FAF2: variants seen among roughly 807,000 people sequenced by gnomAD.
The protein encoded by FAF2 is Fas associated factor family member 2, also known as FAS-associated factor 2.
FAF2 carries 9 observed loss-of-function variants against 62.3 expected under a neutral mutation model. That is an observed-to-expected ratio of 0.14 (90% CI 0.09 to 0.25). The LOEUF is 0.25. Among genes scored for constraint, FAF2 ranks in the 10% least tolerant of loss-of-function variants. The pLI, the probability that FAF2 is intolerant of heterozygous loss-of-function variation, is 1.00. For synonymous variants in FAF2, 202 were observed against 198.0 expected, an observed-to-expected ratio of 1.02 and a Z score of -0.17; for missense variants, 368 against 556.2, an observed-to-expected ratio of 0.66 and a Z score of 3.40.
intron 1 of FAF2, among the ~76,000 whole-genome samples, chr5:176,469,120 CTGTAA>C (rs1758517846): frequency 6.6e-6 from 1 of 152,012 alleles, no homozygotes; most frequent in African/African-American, 2.4e-5. Context: ...TAGCATGTGC[CTGTAA>C]TCCCAGCTAC....
intron 1 of FAF2, among the ~76,000 whole-genome samples, chr5:176,449,530 G>A (rs1240563178): frequency 6.6e-6 from 1 of 151,980 alleles, no homozygotes; most frequent in African/African-American, 2.4e-5. Context: ...AGCCGAGATC[G>A]TGCCACTGCA....
intron 1 of FAF2, among the ~76,000 whole-genome samples, chr5:176,451,873 C>CAT (rs1758187283): frequency 1.5e-4 from 4 of 26,392 alleles, no homozygotes; most frequent in African/African-American, 2.9e-4. Context: ...TATATATACA[C>CAT]ACATATATAT....
chr5:176,499,134 T>C (rs1755549252), intron 9 of FAF2, 49 bp downstream of exon 9: 1 of 1,496,624 alleles, frequency 6.7e-7, no homozygotes, highest in Non-Finnish European at 9.0e-7. Context: ...CTGCCGAGAC[T>C]TTGCCATCTT....
intron 7 of FAF2, among the ~76,000 whole-genome samples, chr5:176,495,110 T>C (rs746663695): frequency 6.6e-6 from 1 of 152,214 alleles, no homozygotes; most frequent in Non-Finnish European, 1.5e-5. Context: ...TGACAATAAC[T>C]CTTCTTTGGA....
At chr5:176,502,059 A>C (rs747513529) in intron 10 of FAF2, among the ~76,000 whole-genome samples, 6 of 151,464 alleles carry the variant, frequency 4.0e-5, no homozygotes, top group Non-Finnish European at 7.4e-5. Flanking sequence ...ACCTGGCCCC[A>C]TGTCTCTAAC....
rs759909715 is a variant in FAF2 at position 176,489,035 on chromosome 5, C to T, written c.344+8C>T. The stretch of plus-strand genomic sequence containing the variant: ...GATACTTGATATATTTAGGTATGTA[C>T]CTTTGGATTTATGTATTAGTAGAAT... On this transcript the variant is annotated splice_region_variant and intron_variant, in intron 4 of 10. Coordinates refer to ENST00000261942, the MANE Select transcript of FAF2 (RefSeq NM_014613.3). The T allele has an allele frequency of 2.7e-5, 43 of 1,605,376 alleles. No individual in the cohort carries two copies. The Admixed American group carries it at 7.2e-4, about 27-fold the overall frequency.
At chr5:176,456,944 C>CT (rs1391321126) in intron 1 of FAF2, among the ~76,000 whole-genome samples, 2 of 152,084 alleles carry the variant, frequency 1.3e-5, no homozygotes, top group African/African-American at 4.8e-5. Context: ...GCTGGCCTCC[C>CT]TTTTTTGGGG....
rs1755738899 is a variant in FAF2 at position 176,509,343 on chromosome 5, A to C, written c.*2393A>C. ...CCTAAGGACTTTTGGGATTTTGATG[A>C]GACCTGCGAGGGAGAAGACACTGAG... is the stretch of plus-strand genomic sequence containing the variant. On this transcript the variant is annotated 3_prime_UTR_variant, in exon 11 of 11. Coordinates refer to ENST00000261942, the MANE Select transcript of FAF2 (RefSeq NM_014613.3). 1 of 152,210 alleles carries C rather than the reference A, an allele frequency of 6.6e-6. No individual in the cohort carries two copies. The highest frequency in any genetic ancestry group is 1.5e-5 in the Non-Finnish European group (1 of 68,048). 9.4% of individuals were successfully genotyped at this position (152,210 alleles called of 1,614,324 possible). A position where few individuals can be genotyped will look rare whatever the true frequency, so the allele number is the denominator to read the frequency against.
chr5:176,451,715 C>T lies in FAF2; in HGVS notation c.63+3245C>T, dbSNP rs545994311. On this transcript the variant is annotated intron_variant, in intron 1 of 10. Coordinates refer to ENST00000261942, the MANE Select transcript of FAF2 (RefSeq NM_014613.3). Reference sequence around the variant, plus strand: ...AGTACACACATGAATAATGGGTATGCGATATATATAGATATATATATATGT... The same window carrying T: ...AGTACACACATGAATAATGGGTATGTGATATATATAGATATATATATATGT... Among the ~76,000 whole-genome samples the T allele has an allele frequency of 9.2e-5, 12 of 129,844 alleles. No homozygotes were observed. The South Asian group carries it at 9.7e-4, about 10-fold the overall frequency. 85.2% of individuals were successfully genotyped at this position (129,844 alleles called of 152,430 possible).
At position 176,507,008 on chromosome 5, in the gene FAF2, A is replaced by G; in HGVS notation, c.*58A>G. ...TCCCTAAAAGAAATGGGGAAAAAAG[A>G]AAACAACAGCAAGTCAGAAAAAAAA... On this transcript the variant is annotated 3_prime_UTR_variant, in exon 11 of 11. Transcript: ENST00000261942. 1 of 1,223,356 alleles carries G rather than the reference A, an allele frequency of 8.2e-7. No individual in the cohort carries two copies. The highest frequency in any genetic ancestry group is 2.8e-5 in the South Asian group (1 of 36,214). The allele number at this position is 1,223,356 out of a possible 1,614,324, so 75.8% of individuals were successfully genotyped here.
At chr5:176,505,023 GA>G (rs571061959) in intron 10 of FAF2, among the ~76,000 whole-genome samples, 13,053 of 122,012 alleles carry the variant, frequency 0.11, 777 homozygotes, top group East Asian at 0.29. Flanking sequence ...ACCTGTCTGG[GA>G]AAAAAAAAAA....
In FAF2 at chr5:176,494,532, AT is replaced by A. The variant is rs991176570; in HGVS notation, c.661+265del. On this transcript the variant is annotated intron_variant, in intron 7 of 10. Transcript: ENST00000261942. The surrounding 1 kb of genome is among the most constrained non-coding windows in gnomAD (Gnocchi z 4.0). ...GAAGATCACACAATTAGCAAGTTTT[AT>A]TTTTTTTGTTTTTATTTAATTAATT... Among the ~76,000 whole-genome samples the A allele has an allele frequency of 2.0e-5, 3 of 151,782 alleles. No homozygotes were observed. Among genetic ancestry groups the A allele is most frequent in the East Asian group, 1.9e-4 (1 of 5,158 alleles).
rs77509080 is a variant in FAF2 at position 176,459,219 on chromosome 5, A to G, written c.63+10749A>G. ...ACAGCATTAAGTATCCTATTTTTAG[A>G]AGAAAGAAGAAAGCCAAAATTCCAG... is the stretch of plus-strand genomic sequence containing the variant. On this transcript the variant is annotated intron_variant, in intron 1 of 10. Coordinates refer to ENST00000261942, the MANE Select transcript of FAF2 (RefSeq NM_014613.3). Among the ~76,000 whole-genome samples the G allele has an allele frequency of 5.1e-3, 773 of 151,594 alleles. 2 individuals carry two copies. The highest frequency in any genetic ancestry group is 0.015 in the African/African-American group (611 of 41,342).
intron 1 of FAF2, among the ~76,000 whole-genome samples, chr5:176,467,743 C>T (rs1408097255): frequency 6.6e-6 from 1 of 152,206 alleles, no homozygotes; most frequent in African/African-American, 2.4e-5. Context: ...ATTCAGTATT[C>T]TCAATTGATA....
chr5:176,465,335 C>T (rs1036269026), intron 1 of FAF2, among the ~76,000 whole-genome samples: 1 of 150,052 alleles, frequency 6.7e-6, no homozygotes, highest in Non-Finnish European at 1.5e-5. Flanking sequence ...CTAGTATATA[C>T]AATAAAGAAA....
rs1755741959 is a variant in FAF2 at position 176,509,486 on chromosome 5, A to G, written c.*2536A>G. 1 of 152,302 alleles carries G rather than the reference A, an allele frequency of 6.6e-6. No individual in the cohort carries two copies. The highest frequency in any genetic ancestry group is 2.4e-5 in the African/African-American group (1 of 41,428). The allele number at this position is 152,302 out of a possible 1,614,324, so 9.4% of individuals were successfully genotyped here. A position where few individuals can be genotyped will look rare whatever the true frequency, so the allele number is the denominator to read the frequency against. On this transcript the variant is annotated 3_prime_UTR_variant, in exon 11 of 11. Transcript: ENST00000261942. The stretch of plus-strand genomic sequence containing the variant: ...GCACTTGTTTCAAGTTTTGTTCTGC[A>G]CTCCCACGACTGAAGTTGTAGATTG...
chr5:176,478,501 G>T (rs1758739234), intron 1 of FAF2, among the ~76,000 whole-genome samples: 1 of 151,722 alleles, frequency 6.6e-6, no homozygotes, highest in African/African-American at 2.4e-5. Context: ...GCGGGGGGTA[G>T]GGGGGTCGGT....
Position 176,448,514 on chromosome 5 carries a change from G to A in FAF2, c.63+44G>A, listed in dbSNP as rs1326645394. The A allele has an allele frequency of 3.2e-6, 5 of 1,551,208 alleles. No individual in the cohort carries two copies. In the Admixed American group the frequency reaches 5.9e-5, roughly 18 times the overall value. On this transcript the variant is annotated intron_variant, in intron 1 of 10. Coordinates refer to ENST00000261942, the MANE Select transcript of FAF2 (RefSeq NM_014613.3). Reference sequence around the variant, plus strand: ...TGCAGCAGATGCCTCCGTGGGATGGGGAGTAGGCCCCTAGAGGAGTTCAGA... The same window carrying A: ...TGCAGCAGATGCCTCCGTGGGATGGAGAGTAGGCCCCTAGAGGAGTTCAGA...
At position 176,508,511 on chromosome 5, in the gene FAF2, C is replaced by T. The variant is rs1755724725; in HGVS notation, c.*1561C>T. On this transcript the variant is annotated 3_prime_UTR_variant, in exon 11 of 11. Coordinates refer to ENST00000261942, the MANE Select transcript of FAF2 (RefSeq NM_014613.3). Reference sequence around the variant, plus strand: ...TGGTAGCAATTATATGGTTACTATCCACTGCAGTCCTCAGTTGTTGGGGTA... The same window carrying T: ...TGGTAGCAATTATATGGTTACTATCTACTGCAGTCCTCAGTTGTTGGGGTA... 6.6e-6 allele frequency: 1 copy of T among 152,162 alleles called. No homozygotes were observed. Among genetic ancestry groups the T allele is most frequent in the Non-Finnish European group, 1.5e-5 (1 of 68,022 alleles). 9.4% of individuals were successfully genotyped at this position (152,162 alleles called of 1,614,324 possible).
Sources: allele counts gnomAD v4.1 joint callset (sites outside exome capture counted in the v4.1 genomes callset), GRCh38; gene constraint gnomAD v4.1.1; non-coding constraint Gnocchi (gnomAD v3.1); transcripts MANE v1.5; gene names NCBI Gene and HGNC (gene_info 2026-07-23, HGNC 2026-07-21).